The following AK5 variants were observed in gnomAD, a reference collection of about 807,000 sequenced individuals.
AK5 encodes adenylate kinase isoenzyme 5.
In AK5, 27 loss-of-function variants were observed where a neutral mutation model predicts 69.5. The ratio of observed to expected loss-of-function variants is 0.39; its 90% confidence interval spans 0.29 to 0.54. The LOEUF (loss-of-function observed/expected upper bound fraction) is 0.54. AK5 is among the 20% of genes least tolerant of loss of function. The pLI is 0.71. For missense variants in AK5, 531 were observed against 700.4 expected, an observed-to-expected ratio of 0.76 and a Z score of 2.73; for synonymous variants, 260 against 244.4, an observed-to-expected ratio of 1.06 and a Z score of -0.60.
Position 77,559,684 on chromosome 1 carries a change from C to G in AK5, c.*1014C>G, listed in dbSNP as rs1257075126. On this transcript the variant is annotated 3_prime_UTR_variant, in exon 14 of 14. Coordinates refer to ENST00000354567, the MANE Select transcript of AK5 (RefSeq NM_174858.3). Reference sequence around the variant, plus strand: ...AGGAGTTTGCAAACCTTGTCATACCCATATGCAAAACTGTGTTTCCTTGCA... The same window carrying G: ...AGGAGTTTGCAAACCTTGTCATACCGATATGCAAAACTGTGTTTCCTTGCA... 1.3e-5 allele frequency: 2 copies of G among 152,136 alleles called. No individual in the cohort carries two copies. The highest frequency in any genetic ancestry group is 2.9e-5 in the Non-Finnish European group (2 of 68,038). The allele number at this position is 152,136 out of a possible 1,614,324, so 9.4% of individuals were successfully genotyped here.
At chr1:77,492,389 A>T (rs1427909069) in intron 10 of AK5, among the ~76,000 whole-genome samples, 5 of 152,216 alleles carry the variant, frequency 3.3e-5, no homozygotes, top group African/African-American at 1.2e-4. Context: ...GTTTACAACC[A>T]TTGCTTCTGC....
At chr1:77,368,224 TATATA>T (rs1374203195) in intron 6 of AK5, among the ~76,000 whole-genome samples, 3 of 32,520 alleles carry the variant, frequency 9.2e-5, no homozygotes, top group African/African-American at 2.7e-4. Flanking sequence ...ACTATATATA[TATATA>T]TATATATATA....
chr1:77,466,813 C>A (rs1473146721), intron 8 of AK5, among the ~76,000 whole-genome samples: 1 of 152,182 alleles, frequency 6.6e-6, no homozygotes, highest in African/African-American at 2.4e-5. Flanking sequence ...CAGTGGTCCA[C>A]ACCTTCTAAC....
At chr1:77,370,316 C>T (rs1647096161) in intron 6 of AK5, among the ~76,000 whole-genome samples, 3 of 152,114 alleles carry the variant, frequency 2.0e-5, no homozygotes, top group Admixed American at 1.3e-4. Flanking sequence ...CACTGAAAAG[C>T]TCAAATCTCA....
intron 5 of AK5, among the ~76,000 whole-genome samples, chr1:77,316,994 A>G (rs1435560404): frequency 3.3e-5 from 5 of 152,216 alleles, no homozygotes; most frequent in African/African-American, 9.6e-5. Context: ...CTGGCTTAAA[A>G]CAACAATATT....
At chr1:77,499,660 G>C (rs1160205053) in intron 10 of AK5, among the ~76,000 whole-genome samples, 1 of 152,084 alleles carries the variant, frequency 6.6e-6, no homozygotes, top group African/African-American at 2.4e-5. Context: ...GGCAAGCACT[G>C]AGACTGCCTC....
At chr1:77,337,629 G>A (rs1661429792) in intron 5 of AK5, among the ~76,000 whole-genome samples, 1 of 151,944 alleles carries the variant, frequency 6.6e-6, no homozygotes, top group Non-Finnish European at 1.5e-5. Flanking sequence ...TTAACTTCAG[G>A]TAATCTCTTT....
chr1:77,521,847 G>C lies in AK5; in HGVS notation c.1332G>C (p.Leu444=), dbSNP rs1287818592. ...LVPSGIVLEL[L]KEAMVASLGD... is the part of the protein sequence containing the mutation. The stretch of plus-strand genomic sequence containing the variant: ...TCCAGGGCATCGTTTTGGAGCTCCT[G>C]AAGGAGGCCATGGTGGCCAGCCTCG... Residue 444 remains leucine (L), a synonymous_variant, in exon 12 of 14, where the codon CTG becomes CTC. Coordinates refer to ENST00000354567, the MANE Select transcript of AK5 (RefSeq NM_174858.3). 1 of 1,613,810 alleles carries C rather than the reference G, an allele frequency of 6.2e-7. No individual in the cohort carries two copies. Among genetic ancestry groups the C allele is most frequent in the Non-Finnish European group, 8.5e-7 (1 of 1,179,972 alleles).
chr1:77,531,007 AGT>A (rs1270153955), intron 12 of AK5, among the ~76,000 whole-genome samples: 15 of 152,072 alleles, frequency 9.9e-5, no homozygotes. Flanking sequence ...TGCAAGGATG[AGT>A]GTGGTCCTGT....
chr1:77,540,438 CCA>C (rs1461635561), intron 13 of AK5: 1 of 152,268 alleles, frequency 6.6e-6, no homozygotes, highest in African/African-American at 2.4e-5. Context: ...GCACTTCCTA[CCA>C]AGTCTGAATG....
At chr1:77,358,007 G>GTT (rs1662626383) in intron 6 of AK5, among the ~76,000 whole-genome samples, 2 of 119,254 alleles carry the variant, frequency 1.7e-5, no homozygotes, top group Non-Finnish European at 3.6e-5. Flanking sequence ...GTGTGTGTGT[G>GTT]TGTGTGTGTG....
intron 6 of AK5, among the ~76,000 whole-genome samples, chr1:77,410,721 C>T (rs10782647): frequency 0.65 from 98,486 of 152,042 alleles, 33,329 homozygotes; most frequent in Non-Finnish European, 0.75. Context: ...TTTTTCCAAA[C>T]GTGCTCCATA....
At chr1:77,431,992 G>A (rs1191744097) in intron 8 of AK5, among the ~76,000 whole-genome samples, 1 of 152,164 alleles carries the variant, frequency 6.6e-6, no homozygotes, top group African/African-American at 2.4e-5. Flanking sequence ...TTTGTGTGAA[G>A]TTGTAGTTTT....
chr1:77,392,275 A>T (rs544143166), intron 6 of AK5, among the ~76,000 whole-genome samples: 3 of 152,182 alleles, frequency 2.0e-5, no homozygotes, highest in Non-Finnish European at 4.4e-5. Flanking sequence ...TCCAAGCCCA[A>T]ATCTCATGAA....
At chr1:77,497,035 C>G (rs562619141) in intron 10 of AK5, among the ~76,000 whole-genome samples, 2 of 152,334 alleles carry the variant, frequency 1.3e-5, no homozygotes, top group African/African-American at 4.8e-5. Flanking sequence ...GCTGTGGAAG[C>G]TTTGTTCTTT....
At chr1:77,430,525 G>A (rs899333664) in intron 8 of AK5, among the ~76,000 whole-genome samples, 1 of 152,208 alleles carries the variant, frequency 6.6e-6, no homozygotes, top group Non-Finnish European at 1.5e-5. Flanking sequence ...AAATATCTGA[G>A]CTGGAAATAC....
intron 6 of AK5, among the ~76,000 whole-genome samples, chr1:77,387,195 T>C (rs899321131): frequency 2.0e-5 from 3 of 152,232 alleles, no homozygotes; most frequent in Non-Finnish European, 4.4e-5. Context: ...GCTGGTAATA[T>C]GTGGCTTGCT....
chr1:77,479,322 A>G (rs549112511), intron 8 of AK5, among the ~76,000 whole-genome samples: 7 of 150,764 alleles, frequency 4.6e-5, no homozygotes, highest in Middle Eastern at 3.4e-3. Context: ...TCTCCTGCCT[A>G]AACTTCCTGA....
At chr1:77,355,868 T>TAC (rs66682700) in intron 6 of AK5, among the ~76,000 whole-genome samples, 279 of 146,246 alleles carry the variant, frequency 1.9e-3, no homozygotes, top group African/African-American at 5.5e-3. Flanking sequence ...CCTCATTAAA[T>TAC]ACACACACAC....
Sources: allele counts gnomAD v4.1 joint callset (sites outside exome capture counted in the v4.1 genomes callset), GRCh38; gene constraint gnomAD v4.1.1; transcripts MANE v1.5; gene names NCBI Gene and HGNC (gene_info 2026-07-23, HGNC 2026-07-21).